Variants in ZNF460 observed in about 807,000 individuals in gnomAD.
ZNF460 encodes the protein zinc finger protein 272.
In ZNF460, 1 loss-of-function variant was observed where a neutral mutation model predicts 8.4. The observed-to-expected ratio is 0.12, with a 90% CI of 0.04 to 0.56. The LOEUF is 0.56. Ranked by LOEUF, ZNF460 falls within the 20% of genes least tolerant of loss-of-function variation. The probability of loss-of-function intolerance (pLI) is 0.91; values close to 1 mark genes in which losing one functional copy is unlikely to be tolerated. For synonymous variants in ZNF460, 262 were observed against 259.9 expected (o/e 1.01, Z -0.08); for missense variants, 477 against 714.8 (o/e 0.67, Z 3.79).
At chr19:57,287,564 C>A (rs76193276) in intron 2 of ZNF460, among the ~76,000 whole-genome samples, 4 of 152,174 alleles carry the variant, frequency 2.6e-5, no homozygotes, top group African/African-American at 9.7e-5. Context: ...CTGCACTGAT[C>A]TTCCCTCCTT....
In ZNF460 at chr19:57,293,683, A is replaced by C. The variant is rs1010241351; in HGVS notation, c.*1453A>C. The C allele has an allele frequency of 9.2e-5, 14 of 152,168 alleles. No individual in the cohort carries two copies. Among genetic ancestry groups the C allele is most frequent in the African/African-American group, 3.1e-4 (13 of 41,434 alleles). The allele number at this position is 152,168 out of a possible 1,614,324, so 9.4% of individuals were successfully genotyped here. On this transcript the variant is annotated 3_prime_UTR_variant, in exon 3 of 3. Transcript: ENST00000360338. ...TATAAAATGTATTATTGCCAATTGT[A>C]CTCATTCTGCAGTGCCACAGAACAC...
At position 57,291,014 on chromosome 19, in the gene ZNF460, C is replaced by G; in HGVS notation, c.473C>G (p.Pro158Arg). 1.2e-6 allele frequency: 2 copies of G among 1,614,194 alleles called. 1 individual carries two copies. The highest frequency in any genetic ancestry group is 3.3e-4 in the Middle Eastern group (2 of 6,062). The change falls in exon 3 of 3, where the codon CCA becomes CGA. Residue 158 changes from proline (P) to arginine (R), a missense_variant. By Grantham distance (103) the Pro-to-Arg change is moderately radical. Around this residue, in one of 5 missense-constraint regions of ZNF460, gnomAD observed 169 missense variants for 178.6 expected, o/e 0.95. Transcript: ENST00000360338. The surrounding 1 kb of genome is among the most constrained non-coding windows in gnomAD (Gnocchi z 8.4). ...DALYGFDSYG[P>R]VTDSLIHEGE... is the part of the protein sequence containing the mutation. ...CTCTATGGATTTGACTCATATGGAC[C>G]AGTTACAGATTCCTTGATTCATGAA...
At chr19:57,281,556 ATT>A (rs71293946) in intron 1 of ZNF460, among the ~76,000 whole-genome samples, 18 of 85,038 alleles carry the variant, frequency 2.1e-4, no homozygotes, top group African/African-American at 5.8e-4. Context: ...TAACCCTGAA[ATT>A]TTTTTTTTTT....
intron 2 of ZNF460, among the ~76,000 whole-genome samples, chr19:57,287,848 G>A (rs1430966504): frequency 3.9e-5 from 6 of 152,076 alleles, no homozygotes; most frequent in Non-Finnish European, 8.8e-5. Flanking sequence ...AATTAGCTAG[G>A]TGTGGTGGCA....
chr19:57,291,465 C>T lies in ZNF460; in HGVS notation c.924C>T (p.Phe308=), dbSNP rs368085632. 34 of 1,613,820 alleles carry T rather than the reference C, an allele frequency of 2.1e-5. No individual in the cohort carries two copies. Among genetic ancestry groups the T allele is most frequent in the East Asian group, 4.5e-5 (2 of 44,870 alleles). ...AGAGCCACAATGAGAAGAAACCCTT[C>T]GCATGCAGCGAATGTGGAAAAGGCT... The part of the protein sequence containing the change: ...HNKSHNEKKP[F]ACSECGKGFY... The change falls in exon 3 of 3, where the codon TTC becomes TTT. Residue 308 remains phenylalanine (F), a synonymous_variant. Transcript: ENST00000360338. This position sits in a 1 kb window ranked among gnomAD's most constrained non-coding sequence, Gnocchi z 8.4.
At chr19:57,283,502 CTTTTTTTT>C (rs926242067) in intron 1 of ZNF460, among the ~76,000 whole-genome samples, 3 of 68,548 alleles carry the variant, frequency 4.4e-5, no homozygotes, top group East Asian at 1.1e-3. Context: ...TTTGACTATT[CTTTTTTTT>C]TTTTTTTTTT....
rs146064837 is a variant in ZNF460 at position 57,292,253 on chromosome 19, G to A, written c.*23G>A. Reference sequence around the variant, plus strand: ...TAACAGATGTGGAAAGACTTTTTACGTACACTTCAGTCAACATCCAAGAAT... The same window carrying A: ...TAACAGATGTGGAAAGACTTTTTACATACACTTCAGTCAACATCCAAGAAT... On this transcript the variant is annotated 3_prime_UTR_variant, in exon 3 of 3. Coordinates refer to ENST00000360338, the MANE Select transcript of ZNF460 (RefSeq NM_006635.4). The A allele has an allele frequency of 8.1e-4, 1,286 of 1,583,434 alleles. 9 individuals carry two copies. The highest frequency in any genetic ancestry group is 2.6e-4 in the Non-Finnish European group (307 of 1,161,514).
intron 2 of ZNF460, among the ~76,000 whole-genome samples, chr19:57,284,985 T>C (rs2087869378): frequency 6.6e-6 from 1 of 151,926 alleles, no homozygotes; most frequent in Non-Finnish European, 1.5e-5. Flanking sequence ...CCCAGCTAAT[T>C]TTGTATTTTT....
rs747318003 is a variant in ZNF460, at chr19:57,292,204, A to G, written c.1663A>G (p.Ile555Val). 4 of 1,613,086 alleles carry G rather than the reference A, an allele frequency of 2.5e-6. No individual in the cohort carries two copies. The South Asian group carries it at 3.3e-5, about 13-fold the overall frequency. The change falls in exon 3 of 3, where the codon ATA becomes GTA. Residue 555 changes from isoleucine to valine, a missense_variant. By Grantham distance (29) the Ile-to-Val change is conservative. Around this residue, in one of 5 missense-constraint regions of ZNF460, gnomAD observed 83 missense variants for 82.3 expected, o/e 1.01. Coordinates refer to ENST00000360338, the MANE Select transcript of ZNF460 (RefSeq NM_006635.4). Reference protein sequence around the residue: ...HSSSLDINGFIVEETLPL With the variant: ...HSSSLDINGFVVEETLPL ...CTCCTCACTCGACATCAACGGATTC[A>G]TAGTGGAAGAAACCCTACCATTGTA...
chr19:57,293,805 C>T lies in ZNF460; in HGVS notation c.*1575C>T, dbSNP rs2087936049. On this transcript the variant is annotated 3_prime_UTR_variant, in exon 3 of 3. Transcript: ENST00000360338. ...GCTGTCCTTCCCAGCCTCTGGTTACCACCATTCTCAACCTTTTATGCTTGC... is the reference window on the plus strand; with the variant it reads ...GCTGTCCTTCCCAGCCTCTGGTTACTACCATTCTCAACCTTTTATGCTTGC... 6.6e-6 allele frequency: 1 copy of T among 152,196 alleles called. No individual in the cohort carries two copies. The highest frequency in any genetic ancestry group is 6.5e-5 in the Admixed American group (1 of 15,278). 9.4% of individuals were successfully genotyped at this position (152,196 alleles called of 1,614,324 possible).
At position 57,292,252 on chromosome 19, in the gene ZNF460, C is replaced by T. The variant is rs774325083; in HGVS notation, c.*22C>T. The T allele has an allele frequency of 5.7e-6, 9 of 1,585,388 alleles. No homozygotes were observed. The highest frequency in any genetic ancestry group is 2.3e-5 in the South Asian group (2 of 88,798). On this transcript the variant is annotated 3_prime_UTR_variant, in exon 3 of 3. Coordinates refer to ENST00000360338, the MANE Select transcript of ZNF460 (RefSeq NM_006635.4). ...GTAACAGATGTGGAAAGACTTTTTA[C>T]GTACACTTCAGTCAACATCCAAGAA...
chr19:57,291,447 C>T lies in ZNF460; in HGVS notation c.906C>T (p.His302=), dbSNP rs1453993550. ...RSNFVLHNKS[H]NEKKPFACSE... Reference sequence around the variant, plus strand: ...ATTTTGTCTTGCATAACAAGAGCCACAATGAGAAGAAACCCTTCGCATGCA... The same window carrying T: ...ATTTTGTCTTGCATAACAAGAGCCATAATGAGAAGAAACCCTTCGCATGCA... Residue 302 remains histidine (H), a synonymous_variant, in exon 3 of 3, where the codon CAC becomes CAT. Coordinates refer to ENST00000360338, the MANE Select transcript of ZNF460 (RefSeq NM_006635.4). The surrounding 1 kb of genome is among the most constrained non-coding windows in gnomAD (Gnocchi z 8.4). The T allele has an allele frequency of 2.5e-6, 4 of 1,614,000 alleles. No individual in the cohort carries two copies. The highest frequency in any genetic ancestry group is 3.3e-5 in the Admixed American group (2 of 60,002).
chr19:57,282,158 T>C (rs2087844974), intron 1 of ZNF460, among the ~76,000 whole-genome samples: 1 of 152,158 alleles, frequency 6.6e-6, no homozygotes, highest in Non-Finnish European at 1.5e-5. Context: ...ATATTGGTTG[T>C]TTAAGGAGTT....
At chr19:57,284,857 C>T (rs978068821) in intron 2 of ZNF460, among the ~76,000 whole-genome samples, 180 bp downstream of exon 2, 2 of 144,302 alleles carry the variant, frequency 1.4e-5, no homozygotes, top group East Asian at 4.0e-4. Context: ...GCTCTTGTTG[C>T]CCAGGCTGGA....
intron 2 of ZNF460, among the ~76,000 whole-genome samples, chr19:57,288,045 G>A (rs1948608140): frequency 6.6e-6 from 1 of 151,974 alleles, no homozygotes; most frequent in Non-Finnish European, 1.5e-5. Context: ...GAGTCCCTGT[G>A]GTAGGTTTCT....
rs1028887311 is a variant in ZNF460, at chr19:57,292,564, A to G, written c.*334A>G. 2 of 206,678 alleles carry G rather than the reference A, an allele frequency of 9.7e-6. No individual in the cohort carries two copies. The highest frequency in any genetic ancestry group is 2.3e-5 in the African/African-American group (1 of 43,270). The allele number at this position is 206,678 out of a possible 1,614,324, so 12.8% of individuals were successfully genotyped here. ...ATCTTTCTTATTAGTTTACAGTGAAATGTTATCTCAGGGACATTCAAACAA... is the reference window on the plus strand; with the variant it reads ...ATCTTTCTTATTAGTTTACAGTGAAGTGTTATCTCAGGGACATTCAAACAA... On this transcript the variant is annotated 3_prime_UTR_variant, in exon 3 of 3. Coordinates refer to ENST00000360338, the MANE Select transcript of ZNF460 (RefSeq NM_006635.4).
At chr19:57,287,274 A>G (rs1172417260) in intron 2 of ZNF460, among the ~76,000 whole-genome samples, 1 of 152,122 alleles carries the variant, frequency 6.6e-6, no homozygotes, top group Non-Finnish European at 1.5e-5. Context: ...TTCTCATTGT[A>G]TGTGAAACTG....
In ZNF460 at chr19:57,284,634, C is replaced by T. The variant is rs765284255; in HGVS notation, c.114C>T (p.Tyr38=). ...TGGACGTGACCCAGAGGGCCTTGTA[C>T]GTGGAGGTGATGCTGGAGACCTGTG... ...GQLDVTQRAL[Y]VEVMLETCGL... is the part of the protein sequence containing the mutation. Residue 38 remains tyrosine, a synonymous_variant, in exon 2 of 3, where the codon TAC becomes TAT. Coordinates refer to ENST00000360338, the MANE Select transcript of ZNF460 (RefSeq NM_006635.4). 6.8e-6 allele frequency: 11 copies of T among 1,613,012 alleles called. No homozygotes were observed. The highest frequency in any genetic ancestry group is 6.7e-5 in the African/African-American group (5 of 74,760).
At chr19:57,284,979 G>A (rs2087869335) in intron 2 of ZNF460, among the ~76,000 whole-genome samples, 1 of 151,952 alleles carries the variant, frequency 6.6e-6, no homozygotes, top group African/African-American at 2.4e-5. Context: ...CCCATGCCCA[G>A]CTAATTTTGT....
Sources: allele counts gnomAD v4.1 joint callset (sites outside exome capture counted in the v4.1 genomes callset), GRCh38; gene constraint gnomAD v4.1.1; regional missense constraint gnomAD v4.1.1; non-coding constraint Gnocchi (gnomAD v3.1); transcripts MANE v1.5; gene names NCBI Gene and HGNC (gene_info 2026-07-23, HGNC 2026-07-21).